Variants in EIF4A3 observed in about 807,000 individuals in gnomAD.
The protein encoded by EIF4A3 is eukaryotic translation initiation factor 4A3.
Under a neutral mutation model 55.6 loss-of-function variants are expected in EIF4A3, and 1 was observed. The observed-to-expected ratio is 0.02, with a 90% CI of 0.01 to 0.09. EIF4A3 has a LOEUF of 0.09. Among genes scored for constraint, EIF4A3 ranks in the 10% least tolerant of loss-of-function variants. The probability of loss-of-function intolerance (pLI) is 1.00; values close to 1 mark genes in which losing one functional copy is unlikely to be tolerated. For missense variants in EIF4A3, 221 were observed against 540.7 expected (o/e 0.41, Z 5.86); for synonymous variants, 194 against 196.3 (o/e 0.99, Z 0.10).
In EIF4A3 at chr17:80,135,508, TG is replaced by T; in HGVS notation, c.1220-3del. ...TGCTGCTTCAGATAAGATCAGCAACTGAAAGTGAAGAAAGAAACAGATTAAG... is the reference window on the plus strand; with the variant it reads ...TGCTGCTTCAGATAAGATCAGCAACTAAAGTGAAGAAAGAAACAGATTAAG... On this transcript the variant is annotated splice_polypyrimidine_tract_variant and splice_region_variant and intron_variant, in intron 11 of 11. Transcript: ENST00000649764. The T allele has an allele frequency of 6.4e-7, 1 of 1,556,908 alleles. No homozygotes were observed. The highest frequency in any genetic ancestry group is 1.4e-5 in the African/African-American group (1 of 73,456).
intron 1 of EIF4A3, 35 bp downstream of exon 1, chr17:80,146,757 GC>G: frequency 6.3e-7 from 1 of 1,590,910 alleles, no homozygotes; most frequent in Admixed American, 1.7e-5. Flanking sequence ...CCCCCGACTC[GC>G]CCCCGGCTGG....
intron 2 of EIF4A3, among the ~76,000 whole-genome samples, chr17:80,143,772 A>G (rs2039637091): frequency 6.6e-6 from 1 of 151,440 alleles, no homozygotes; most frequent in African/African-American, 2.4e-5. Flanking sequence ...TGAGGTCAGG[A>G]GTTTGAGACC....
intron 8 of EIF4A3, 146 bp downstream of exon 8, chr17:80,137,996 A>C: frequency 3.7e-5 from 37 of 1,012,758 alleles, no homozygotes; most frequent in Non-Finnish European, 4.8e-5. Flanking sequence ...CATATTGTCT[A>C]CAGCTGCTTT....
chr17:80,146,753 A>T (rs755120547), intron 1 of EIF4A3, 40 bp downstream of exon 1: 1 of 1,585,454 alleles, frequency 6.3e-7, no homozygotes, highest in Admixed American at 1.7e-5. Flanking sequence ...CTCGCCCCCG[A>T]CTCGCCCCCG....
At chr17:80,138,010 A>T in intron 8 of EIF4A3, 132 bp downstream of exon 8, 2 of 1,214,944 alleles carry the variant, frequency 1.6e-6, no homozygotes, top group South Asian at 2.9e-5. Flanking sequence ...CTGCTTTTAC[A>T]AGAGAACACA....
At chr17:80,146,229 C>CTGCT (rs1160117414) in intron 1 of EIF4A3, among the ~76,000 whole-genome samples, 1 of 129,710 alleles carries the variant, frequency 7.7e-6, no homozygotes, top group Non-Finnish European at 1.7e-5. Flanking sequence ...TCTGCCCCAA[C>CTGCT]TGCTCTTCCC....
At chr17:80,141,701 T>C in intron 3 of EIF4A3, 81 bp downstream of exon 3, 1 of 1,428,042 alleles carries the variant, frequency 7.0e-7, no homozygotes, top group Non-Finnish European at 9.7e-7. Flanking sequence ...AAATTGTACT[T>C]TTTGAACACT....
chr17:80,136,153 AC>A, intron 10 of EIF4A3, 22 bp from the exon 11 acceptor site: 1 of 1,613,890 alleles, frequency 6.2e-7, no homozygotes, highest in Non-Finnish European at 8.5e-7. Context: ...AAATAATATT[AC>A]AGTTAGTATA....
chr17:80,138,908 A>G, intron 7 of EIF4A3, 113 bp downstream of exon 7: 1 of 1,416,918 alleles, frequency 7.1e-7, no homozygotes, highest in Non-Finnish European at 9.7e-7. Flanking sequence ...TTTTGACACG[A>G]GCTTCAGCAA....
chr17:80,143,931 G>A (rs2039638559), intron 2 of EIF4A3, among the ~76,000 whole-genome samples: 1 of 152,202 alleles, frequency 6.6e-6, no homozygotes, highest in South Asian at 2.1e-4. Context: ...AGTGAGCCGA[G>A]ATGGCACCAC....
Position 80,139,167 on chromosome 17 carries a change from G to C in EIF4A3, c.587-5C>G, listed in dbSNP as rs1598604607. The C allele has an allele frequency of 6.2e-7, 1 of 1,614,012 alleles. No homozygotes were observed. On this transcript the variant is annotated splice_polypyrimidine_tract_variant and splice_region_variant and intron_variant, in intron 6 of 11. Transcript: ENST00000649764. ...CGTAAATCTGCTCTTTGAAACCTGG[G>C]ACAGGGAGCAAGACAGGTGAGGGAT...
In EIF4A3 at chr17:80,146,817, G is replaced by C. The variant is rs771577924; in HGVS notation, c.145C>G (p.Leu49Val). 11 of 1,610,268 alleles carry C rather than the reference G, an allele frequency of 6.8e-6. No individual in the cohort carries two copies. The highest frequency in any genetic ancestry group is 9.3e-6 in the Non-Finnish European group (11 of 1,179,002). ...TFDTMGLRED[L>V]LRGIYAYGFE... is the part of the protein sequence containing the mutation. ...CCGTAAGCGTAGATGCCCCGCAGCAGGTCCTCCCGCAGGCCCATGGTGTCG... is the reference window on the plus strand; with the variant it reads ...CCGTAAGCGTAGATGCCCCGCAGCACGTCCTCCCGCAGGCCCATGGTGTCG... Residue 49 changes from leucine (L) to valine (V), a missense_variant, in exon 1 of 12, where the codon CTG becomes GTG. By Grantham distance (32) the Leu-to-Val change is conservative (BLOSUM62 1). This residue lies in a region of EIF4A3 where 85 missense variants were observed against 205.8 expected (regional missense o/e 0.41). Coordinates refer to ENST00000649764, the MANE Select transcript of EIF4A3 (RefSeq NM_014740.4).
intron 5 of EIF4A3, 100 bp from the exon 6 acceptor site, chr17:80,139,850 G>C: frequency 6.7e-7 from 1 of 1,487,334 alleles, no homozygotes; most frequent in East Asian, 2.3e-5. Flanking sequence ...TCATTCCACT[G>C]GTCTCAGGGT....
Position 80,135,486 on chromosome 17 carries a change from T to TG in EIF4A3, c.*3dup. ...AGTCTCCCTCATCCCACTGATCTGC[T>TG]GCTTCAGATAAGATCAGCAACTGAA... On this transcript the variant is annotated 3_prime_UTR_variant, in exon 12 of 12. Transcript: ENST00000649764. 6.4e-7 allele frequency: 1 copy of TG among 1,557,952 alleles called. No individual in the cohort carries two copies. The highest frequency in any genetic ancestry group is 8.7e-7 in the Non-Finnish European group (1 of 1,150,086).
At chr17:80,145,762 A>G (rs1225805042) in intron 1 of EIF4A3, among the ~76,000 whole-genome samples, 1 of 152,082 alleles carries the variant, frequency 6.6e-6, no homozygotes, top group Non-Finnish European at 1.5e-5. Context: ...GACTCTCTGG[A>G]GTGCTGCCTA....
At chr17:80,146,743 C>G in intron 1 of EIF4A3, 50 bp downstream of exon 1, 1 of 1,574,388 alleles carries the variant, frequency 6.4e-7, no homozygotes, top group Non-Finnish European at 8.6e-7. Context: ...CAGCCCCCGG[C>G]TCGCCCCCGA....
At chr17:80,145,935 C>T (rs999429713) in intron 1 of EIF4A3, among the ~76,000 whole-genome samples, 1 of 152,118 alleles carries the variant, frequency 6.6e-6, no homozygotes, top group Non-Finnish European at 1.5e-5. Context: ...GCAAAAGCTC[C>T]CAACTCTCTT....
chr17:80,141,652 T>G, intron 3 of EIF4A3, 130 bp downstream of exon 3: 1 of 859,630 alleles, frequency 1.2e-6, no homozygotes. Flanking sequence ...TAAGACTCTG[T>G]GTAAAAATTT....
intron 1 of EIF4A3, among the ~76,000 whole-genome samples, chr17:80,145,105 G>A (rs1164361213): frequency 6.6e-6 from 1 of 152,216 alleles, no homozygotes. Flanking sequence ...TGAAGAGCAA[G>A]CACATAGATG....
Sources: gnomAD v4.1 joint callset for allele counts (sites outside exome capture counted in the v4.1 genomes callset) on GRCh38, gnomAD v4.1.1 for gene constraint, gnomAD v4.1.1 regional missense constraint, MANE v1.5 for transcripts, NCBI Gene and HGNC (gene_info 2026-07-23, HGNC 2026-07-21) for gene names.